PIK3C2G: variants seen among roughly 807,000 people sequenced by gnomAD.
The protein encoded by PIK3C2G is phosphatidylinositol-4-phosphate 3-kinase catalytic subunit type 2 gamma.
A neutral mutation model predicts 181.1 loss-of-function variants in PIK3C2G; 168 were observed. That is an observed-to-expected ratio of 0.93 (90% CI 0.82 to 1.05). The LOEUF (loss-of-function observed/expected upper bound fraction) is 1.05, where lower values mean the gene tolerates loss of function less well. Among genes scored for constraint, PIK3C2G ranks in the 50% least tolerant of loss-of-function variants. The pLI is 0.00. For synonymous variants in PIK3C2G, 573 were observed against 592.2 expected, an observed-to-expected ratio of 0.97 and a Z score of 0.47; for missense variants, 1,869 against 1,732.8, an observed-to-expected ratio of 1.08 and a Z score of -1.40.
intron 5 of PIK3C2G, among the ~76,000 whole-genome samples, chr12:18,301,729 C>T (rs6486899): frequency 1.3e-5 from 2 of 151,642 alleles, no homozygotes; most frequent in Non-Finnish European, 2.9e-5. Context: ...GAATGAAATT[C>T]GTGGCTGGAG....
rs181952167 is a variant in PIK3C2G, at chr12:18,301,788, T to G, written c.1034+7773T>G. On this transcript the variant is annotated intron_variant, in intron 5 of 32. Coordinates refer to ENST00000538779, the MANE Select transcript of PIK3C2G (RefSeq NM_001288772.2). ...CATATTTCTTTGCTTTTTATATTTCTTATGTCTTTACACAAAATATATATG... is the reference window on the plus strand; with the variant it reads ...CATATTTCTTTGCTTTTTATATTTCGTATGTCTTTACACAAAATATATATG... 1.6e-3 allele frequency among the ~76,000 whole-genome samples: 247 copies of G among 152,334 alleles called. 1 individual carries two copies. The highest frequency in any genetic ancestry group is 5.6e-3 in the African/African-American group (232 of 41,578).
At chr12:18,350,299 A>G (rs982863247) in intron 11 of PIK3C2G, among the ~76,000 whole-genome samples, 1 of 152,158 alleles carries the variant, frequency 6.6e-6, no homozygotes, top group East Asian at 1.9e-4. Flanking sequence ...AGTAAACATT[A>G]TTTTTAAAAA....
At chr12:18,404,681 A>G (rs898214031) in intron 16 of PIK3C2G, among the ~76,000 whole-genome samples, 1 of 152,144 alleles carries the variant, frequency 6.6e-6, no homozygotes, top group Admixed American at 6.5e-5. Flanking sequence ...TTTATATAAC[A>G]TTAGAAGAGA....
chr12:18,510,960 T>TCA lies in PIK3C2G; in HGVS notation c.3323+5499_3323+5500insCA, dbSNP rs1592450744. ...TATTCCTACTGTCTATCTGAAACTT[T>TCA]ATACTCTTTGATCAATAGCTCCCAT... On this transcript the variant is annotated intron_variant, in intron 24 of 32. Coordinates refer to ENST00000538779, the MANE Select transcript of PIK3C2G (RefSeq NM_001288772.2). Among the ~76,000 whole-genome samples, 3 of 152,162 alleles carry TCA rather than the reference T, an allele frequency of 2.0e-5. No individual in the cohort carries two copies. In the East Asian group the frequency reaches 5.8e-4, roughly 29 times the overall value.
chr12:18,393,726 A>G (rs1253486037), intron 15 of PIK3C2G, among the ~76,000 whole-genome samples: 1 of 152,122 alleles, frequency 6.6e-6, no homozygotes, highest in Non-Finnish European at 1.5e-5. Flanking sequence ...AACTGTTTTC[A>G]TAAATTAAAC....
In PIK3C2G at chr12:18,325,812, TAGAGGCTGGAAAAAAAATC is replaced by T. The variant is rs1951320893; in HGVS notation, c.1272+718_1272+736del. On this transcript the variant is annotated intron_variant, in intron 8 of 32. Transcript: ENST00000538779. ...AATGGCTGCAGTTAGTGTTCAAAGT[TAGAGGCTGGAAAAAAAATC>T]AGATGAAAGAAGCAGACAGGGGCCA... Among the ~76,000 whole-genome samples, 3 of 151,686 alleles carry T rather than the reference TAGAGGCTGGAAAAAAAATC, an allele frequency of 2.0e-5. No individual in the cohort carries two copies. In the South Asian group the frequency reaches 6.3e-4, roughly 32 times the overall value.
intron 18 of PIK3C2G, among the ~76,000 whole-genome samples, chr12:18,465,432 A>T (rs1937753165): frequency 6.6e-6 from 1 of 151,902 alleles, no homozygotes; most frequent in South Asian, 2.1e-4. Context: ...CTTGCATTTT[A>T]GTCTTTTCAT....
chr12:18,477,532 C>T (rs986322599), intron 18 of PIK3C2G, among the ~76,000 whole-genome samples: 1 of 152,070 alleles, frequency 6.6e-6, no homozygotes, highest in Non-Finnish European at 1.5e-5. Flanking sequence ...AGGAAATTAG[C>T]CAGGTAGGTT....
intron 25 of PIK3C2G, among the ~76,000 whole-genome samples, chr12:18,538,698 A>G (rs11044172): frequency 0.18 from 27,036 of 151,778 alleles, 2,518 homozygotes; most frequent in South Asian, 0.25. Flanking sequence ...TAGACCAGGC[A>G]AGAATTTTCC....
the PIK3C2G span, among the ~76,000 whole-genome samples, chr12:18,707,858 C>G: frequency 6.6e-6 from 1 of 152,082 alleles, no homozygotes; most frequent in Non-Finnish European, 1.5e-5. Flanking sequence ...ACTTCTTGCT[C>G]TTTTGGGTGT....
At chr12:18,419,285 A>T (rs1565701080) in intron 16 of PIK3C2G, among the ~76,000 whole-genome samples, 1 of 152,104 alleles carries the variant, frequency 6.6e-6, no homozygotes, top group Non-Finnish European at 1.5e-5. Context: ...CATTTCTATC[A>T]ATAAGGTAAA....
intron 24 of PIK3C2G, among the ~76,000 whole-genome samples, chr12:18,518,315 A>T (rs1172692118): frequency 6.6e-6 from 1 of 152,172 alleles, no homozygotes; most frequent in African/African-American, 2.4e-5. Context: ...GAATGGTATC[A>T]GCTCCTCTTT....
At chr12:18,505,233 C>T in intron 23 of PIK3C2G, 59 bp from the exon 24 acceptor site, 1 of 1,373,004 alleles carries the variant, frequency 7.3e-7, no homozygotes, top group Non-Finnish European at 1.0e-6. Flanking sequence ...ACCTCTGATG[C>T]TAATGCATTT....
chr12:18,314,160 G>A (rs1176305093), intron 6 of PIK3C2G, 96 bp downstream of exon 6: 2 of 623,268 alleles, frequency 3.2e-6, no homozygotes, highest in Admixed American at 3.0e-5. Flanking sequence ...GAATTATATA[G>A]CTTAATTAAT....
At chr12:18,401,836 CT>C (rs1328771778) in intron 16 of PIK3C2G, among the ~76,000 whole-genome samples, 2 of 152,066 alleles carry the variant, frequency 1.3e-5, no homozygotes, top group South Asian at 2.1e-4. Flanking sequence ...CTCACTAGGT[CT>C]GGCTATAATC....
chr12:18,316,159 T>C (rs1012287260), intron 6 of PIK3C2G, among the ~76,000 whole-genome samples: 3 of 152,160 alleles, frequency 2.0e-5, no homozygotes, highest in African/African-American at 4.8e-5. Flanking sequence ...TAAGAGATTA[T>C]TTAAATCATC....
At chr12:18,282,881 T>C (rs1949281874) in intron 2 of PIK3C2G, 122 bp downstream of exon 2, 1 of 670,410 alleles carries the variant, frequency 1.5e-6, no homozygotes. Flanking sequence ...ATCTTACTTT[T>C]GAAAAAAATT....
chr12:18,491,513 T>A lies in PIK3C2G; in HGVS notation c.2748T>A (p.His916Gln), dbSNP rs1221393014. 6.2e-7 allele frequency: 1 copy of A among 1,609,806 alleles called. No homozygotes were observed. The highest frequency in any genetic ancestry group is 1.3e-5 in the African/African-American group (1 of 74,866). Residue 916 changes from histidine (H) to glutamine (Q), a missense_variant, in exon 20 of 33, where the codon CAT becomes CAA. His to Gln is a conservative substitution (Grantham distance 24, BLOSUM62 0). Coordinates refer to ENST00000538779, the MANE Select transcript of PIK3C2G (RefSeq NM_001288772.2). ...EEFFQDVNTC[H>Q]LPLNPALCIK... ...TCTTTCAAGATGTAAATACTTGTCA[T>A]CTTCCTCTGAACCCTGCCCTATGTA...
At chr12:18,392,793 A>G (rs188993151) in intron 15 of PIK3C2G, among the ~76,000 whole-genome samples, 1 of 152,262 alleles carries the variant, frequency 6.6e-6, no homozygotes, top group East Asian at 1.9e-4. Flanking sequence ...TTCTAATGCT[A>G]TACACTGATA....
Sources: gnomAD v4.1 joint callset for allele counts (sites outside exome capture counted in the v4.1 genomes callset) on GRCh38, gnomAD v4.1.1 for gene constraint, MANE v1.5 for transcripts, NCBI Gene and HGNC (gene_info 2026-07-23, HGNC 2026-07-21) for gene names.